ADARB2: variants seen among roughly 807,000 people sequenced by gnomAD.
The protein encoded by ADARB2 is inactive double-stranded RNA-specific editase B2.
A neutral mutation model predicts 62.2 loss-of-function variants in ADARB2; 25 were observed. The observed-to-expected ratio is 0.40, with a 90% CI of 0.29 to 0.56. ADARB2 has a LOEUF of 0.56. Ranked by LOEUF, ADARB2 falls within the 20% of genes least tolerant of loss-of-function variation. The probability of loss-of-function intolerance (pLI) is 0.43; values close to 1 mark genes in which losing one functional copy is unlikely to be tolerated. For missense variants in ADARB2, 1,071 were observed against 1,077.4 expected, an observed-to-expected ratio of 0.99 and a Z score of 0.08; for synonymous variants, 572 against 500.8, an observed-to-expected ratio of 1.14 and a Z score of -1.90.
rs1236146657 is a variant in ADARB2 at position 1,712,630 on chromosome 10, G to A, written c.100+24421C>T. ...CCATTACTTTTTTTTTTTTTGAAAC[G>A]GAGTCTCCCTCTGTCCCCCAGGGAA... On this transcript the variant is annotated intron_variant, in intron 1 of 9. Coordinates refer to ENST00000381312, the MANE Select transcript of ADARB2 (RefSeq NM_018702.4). 2.4e-4 allele frequency among the ~76,000 whole-genome samples: 20 copies of A among 81,652 alleles called. 2 individuals carry two copies. The South Asian group carries it at 9.8e-3, about 40-fold the overall frequency. The allele number at this position is 81,652 out of a possible 152,430, so 53.6% of individuals were successfully genotyped here.
At chr10:1,367,787 T>C (rs1423399701) in intron 2 of ADARB2, among the ~76,000 whole-genome samples, 1 of 152,230 alleles carries the variant, frequency 6.6e-6, no homozygotes, top group Non-Finnish European at 1.5e-5. Context: ...CGTTATTGCA[T>C]GACCTTTGCT....
At chr10:1,453,999 C>T (rs566542049) in intron 1 of ADARB2, among the ~76,000 whole-genome samples, 14 of 152,286 alleles carry the variant, frequency 9.2e-5, no homozygotes, top group African/African-American at 3.4e-4. Context: ...GGTCTGCTCT[C>T]ATGCTGCTAA....
Position 1,426,070 on chromosome 10 carries a change from A to G in ADARB2, c.101-46910T>C, listed in dbSNP as rs1216421920. 6.6e-6 allele frequency among the ~76,000 whole-genome samples: 1 copy of G among 152,216 alleles called. No homozygotes were observed. Among genetic ancestry groups the G allele is most frequent in the East Asian group, 1.9e-4 (1 of 5,192 alleles). ...CAAGCAGTCATTCTGAGCATGTGGCATTTGTCAGAAGGTTGTGTTTATGTT... is the reference window on the plus strand; with the variant it reads ...CAAGCAGTCATTCTGAGCATGTGGCGTTTGTCAGAAGGTTGTGTTTATGTT... On this transcript the variant is annotated intron_variant, in intron 1 of 9. Transcript: ENST00000381312. This position sits in a 1 kb window ranked among gnomAD's most constrained non-coding sequence, Gnocchi z 4.1.
chr10:1,375,272 G>A (rs1217728211), intron 2 of ADARB2, among the ~76,000 whole-genome samples: 1 of 152,236 alleles, frequency 6.6e-6, no homozygotes, highest in African/African-American at 2.4e-5. Context: ...AGATGGCAGG[G>A]ACTCATGGCT....
intron 1 of ADARB2, among the ~76,000 whole-genome samples, chr10:1,495,459 CCAATA>C (rs1831674981): frequency 6.6e-6 from 1 of 152,112 alleles, no homozygotes; most frequent in African/African-American, 2.4e-5. Flanking sequence ...GAAAATAAAT[CCAATA>C]CAACACTACT....
intron 3 of ADARB2, among the ~76,000 whole-genome samples, chr10:1,289,864 G>A (rs1181551920): frequency 6.6e-6 from 1 of 152,230 alleles, no homozygotes; most frequent in Non-Finnish European, 1.5e-5. Flanking sequence ...CCAAACAATA[G>A]CCTCTGGCCT....
chr10:1,304,482 C>A lies in ADARB2; in HGVS notation c.1078-33413G>T, dbSNP rs558046209. ...ACAGATCAAGGAGACAGAAAGTCAA[C>A]AAGGATACCCAGGAATTAAACTCAG... is the stretch of plus-strand genomic sequence containing the variant. On this transcript the variant is annotated intron_variant, in intron 3 of 9. Transcript: ENST00000381312. 5.2e-4 allele frequency among the ~76,000 whole-genome samples: 79 copies of A among 152,292 alleles called. No individual in the cohort carries two copies. The South Asian group carries it at 0.013, about 26-fold the overall frequency.
At chr10:1,233,901 C>G in intron 5 of ADARB2, 56 bp from the exon 6 acceptor site, 1 of 1,561,420 alleles carries the variant, frequency 6.4e-7, no homozygotes. Flanking sequence ...AGAAATGTTC[C>G]AACCAGGTGA....
intron 3 of ADARB2, among the ~76,000 whole-genome samples, chr10:1,347,542 T>A (rs1294847597): frequency 6.6e-6 from 1 of 152,156 alleles, no homozygotes; most frequent in Non-Finnish European, 1.5e-5. Context: ...GGGCTGTGGA[T>A]GGCAGCCGTG....
At chr10:1,334,382 C>T (rs531045084) in intron 3 of ADARB2, among the ~76,000 whole-genome samples, 4 of 152,292 alleles carry the variant, frequency 2.6e-5, no homozygotes, top group South Asian at 2.1e-4. Context: ...TTGTGAGGCT[C>T]GTGGACTCCT....
intron 1 of ADARB2, among the ~76,000 whole-genome samples, chr10:1,673,314 A>ATGTGTG (rs66687699): frequency 0.06 from 9,035 of 149,620 alleles, 423 homozygotes; most frequent in African/African-American, 0.13. Context: ...ATTTCATTTT[A>ATGTGTG]TGTGTGTGTG....
At chr10:1,313,145 G>A (rs1210324128) in intron 3 of ADARB2, among the ~76,000 whole-genome samples, 1 of 152,198 alleles carries the variant, frequency 6.6e-6, no homozygotes, top group African/African-American at 2.4e-5. Context: ...TGGGGTGGGA[G>A]TGCCCAGGTG....
At chr10:1,433,501 G>C (rs747043252) in intron 1 of ADARB2, among the ~76,000 whole-genome samples, 1 of 152,196 alleles carries the variant, frequency 6.6e-6, no homozygotes, top group African/African-American at 2.4e-5. Context: ...CTTACAAAAG[G>C]AATCAGTCCG....
intron 3 of ADARB2, chr10:1,290,514 A>C (rs1422187532): frequency 6.6e-6 from 1 of 152,274 alleles, no homozygotes; most frequent in Non-Finnish European, 1.5e-5. Context: ...GGATGCTTGG[A>C]ATGAAATCCC....
intron 3 of ADARB2, among the ~76,000 whole-genome samples, chr10:1,294,454 T>C (rs2804100): frequency 0.1 from 15,141 of 152,160 alleles, 2,537 homozygotes; most frequent in African/African-American, 0.34. Context: ...TGTGTGCTGA[T>C]GGGCCCTTGA....
intron 1 of ADARB2, among the ~76,000 whole-genome samples, chr10:1,547,633 G>A (rs10903475): frequency 1.7e-4 from 8 of 47,418 alleles, no homozygotes; most frequent in Non-Finnish European, 2.9e-4. Flanking sequence ...ACTGGCGTAT[G>A]CACTGTGGGG....
At chr10:1,302,295 C>T (rs1831580743) in intron 3 of ADARB2, among the ~76,000 whole-genome samples, 1 of 152,274 alleles carries the variant, frequency 6.6e-6, no homozygotes, top group South Asian at 2.1e-4. Flanking sequence ...CCGGTCACTC[C>T]CACCTGAATA....
chr10:1,711,290 T>G (rs1339673088), intron 1 of ADARB2, among the ~76,000 whole-genome samples: 2 of 152,116 alleles, frequency 1.3e-5, no homozygotes, highest in African/African-American at 4.8e-5. Context: ...CAAGGTCTCC[T>G]GTCTGTGAGA....
At chr10:1,579,494 A>G (rs1194304056) in intron 1 of ADARB2, among the ~76,000 whole-genome samples, 2 of 152,210 alleles carry the variant, frequency 1.3e-5, no homozygotes, top group Non-Finnish European at 2.9e-5. Context: ...TAAAGAGTAC[A>G]TGAGGAAACA....
Sources: gnomAD v4.1 joint callset for allele counts (sites outside exome capture counted in the v4.1 genomes callset) on GRCh38, gnomAD v4.1.1 for gene constraint, Gnocchi (gnomAD v3.1) non-coding constraint, MANE v1.5 for transcripts, NCBI Gene and HGNC (gene_info 2026-07-23, HGNC 2026-07-21) for gene names.